Variants in RUNX1 observed in about 807,000 individuals in gnomAD.
RUNX1 encodes the protein RUNX family transcription factor 1.
RUNX1 carries 19 observed loss-of-function variants against 42.8 expected under a neutral mutation model. The ratio of observed to expected loss-of-function variants is 0.44; its 90% CI spans 0.31 to 0.65. The LOEUF (loss-of-function observed/expected upper bound fraction) is 0.65. RUNX1 is among the 30% of genes least tolerant of loss of function. The pLI is 0.07. For synonymous variants in RUNX1, 271 were observed against 289.4 expected, an observed-to-expected ratio of 0.94 and a Z score of 0.64; for missense variants, 528 against 672.0, an observed-to-expected ratio of 0.79 and a Z score of 2.37.
intron 2 of RUNX1, among the ~76,000 whole-genome samples, chr21:34,914,902 T>C (rs1420523902): frequency 6.6e-6 from 1 of 152,184 alleles, no homozygotes; most frequent in Non-Finnish European, 1.5e-5. Flanking sequence ...TCAATCTGAG[T>C]GTAAAGCCAG....
At chr21:34,952,442 G>A (rs1025210900) in intron 2 of RUNX1, among the ~76,000 whole-genome samples, 6 of 151,990 alleles carry the variant, frequency 3.9e-5, no homozygotes, top group South Asian at 2.1e-4. Flanking sequence ...GTATGGAATT[G>A]GCCTGTCATT....
chr21:34,935,219 G>T (rs889930010), intron 2 of RUNX1, among the ~76,000 whole-genome samples: 2 of 151,954 alleles, frequency 1.3e-5, no homozygotes, highest in African/African-American at 4.8e-5. Flanking sequence ...CCGAGAAATG[G>T]GTCCTACAGC....
chr21:34,860,550 T>C (rs909221923), intron 5 of RUNX1, among the ~76,000 whole-genome samples: 1 of 152,006 alleles, frequency 6.6e-6, no homozygotes, highest in Admixed American at 6.6e-5. Context: ...TGTGTGTGTG[T>C]GTATGTTGTC....
At chr21:34,875,546 C>T (rs2057802087) in intron 5 of RUNX1, among the ~76,000 whole-genome samples, 1 of 152,064 alleles carries the variant, frequency 6.6e-6, no homozygotes, top group African/African-American at 2.4e-5. Flanking sequence ...TAACTCATGT[C>T]TTTTCCTTAT....
At chr21:35,014,857 G>A (rs766080113) in intron 2 of RUNX1, among the ~76,000 whole-genome samples, 5 of 152,228 alleles carry the variant, frequency 3.3e-5, no homozygotes, top group Non-Finnish European at 7.3e-5. Flanking sequence ...GCACTATTGC[G>A]ACTTCTCTGT....
chr21:34,945,243 C>T (rs1029514145), intron 2 of RUNX1, among the ~76,000 whole-genome samples: 2 of 152,154 alleles, frequency 1.3e-5, no homozygotes, highest in African/African-American at 2.4e-5. Context: ...AAAATACAGC[C>T]AAAGGCATCC....
intron 6 of RUNX1, among the ~76,000 whole-genome samples, chr21:34,857,580 T>C (rs1389894083): frequency 6.6e-6 from 1 of 152,216 alleles, no homozygotes; most frequent in African/African-American, 2.4e-5. Flanking sequence ...GAGACGGCTG[T>C]TGCTTCTAGT....
At chr21:34,859,259 C>T in intron 6 of RUNX1, 1 of 595,692 alleles carries the variant, frequency 1.7e-6, no homozygotes, top group Non-Finnish European at 3.0e-6. Flanking sequence ...TTTCCTTTTG[C>T]CCTCTAAAAG....
At chr21:35,005,614 T>C (rs2059078701) in intron 2 of RUNX1, among the ~76,000 whole-genome samples, 1 of 152,202 alleles carries the variant, frequency 6.6e-6, no homozygotes, top group South Asian at 2.1e-4. Flanking sequence ...TTCATGATCC[T>C]AGCTATCCCT....
At chr21:34,896,220 A>T (rs1319201268) in intron 2 of RUNX1, among the ~76,000 whole-genome samples, 1 of 152,170 alleles carries the variant, frequency 6.6e-6, no homozygotes, top group Non-Finnish European at 1.5e-5. Context: ...GTAGTTTCAG[A>T]TTGTATCTAG....
chr21:35,008,622 A>G (rs2146901954), intron 2 of RUNX1, among the ~76,000 whole-genome samples: 1 of 152,382 alleles, frequency 6.6e-6, no homozygotes, highest in Middle Eastern at 3.4e-3. Context: ...TTACTTCAGT[A>G]TATTTGCTGA....
intron 2 of RUNX1, among the ~76,000 whole-genome samples, chr21:34,961,273 C>G (rs529268959): frequency 1.3e-5 from 2 of 152,080 alleles, no homozygotes; most frequent in South Asian, 4.2e-4. Context: ...ACTCAGGAGG[C>G]TGAAGCAGGG....
At chr21:34,931,756 G>A (rs1254570657) in intron 2 of RUNX1, among the ~76,000 whole-genome samples, 2 of 151,688 alleles carry the variant, frequency 1.3e-5, no homozygotes, top group African/African-American at 4.9e-5. Flanking sequence ...CAACAGGCAA[G>A]AGGGGAAGAT....
chr21:34,796,755 T>C (rs777667411), intron 8 of RUNX1, among the ~76,000 whole-genome samples: 1 of 152,136 alleles, frequency 6.6e-6, no homozygotes, highest in Non-Finnish European at 1.5e-5. Flanking sequence ...CTCAGATTAA[T>C]GCATGCTGTC....
At chr21:34,884,781 T>G (rs975621278) in intron 4 of RUNX1, among the ~76,000 whole-genome samples, 1 of 152,244 alleles carries the variant, frequency 6.6e-6, no homozygotes, top group African/African-American at 2.4e-5. Context: ...TGGTCTGATT[T>G]CTCTGCTATC....
intron 2 of RUNX1, among the ~76,000 whole-genome samples, chr21:34,920,310 G>A (rs1048020360): frequency 6.6e-6 from 1 of 152,056 alleles, no homozygotes; most frequent in Non-Finnish European, 1.5e-5. Flanking sequence ...TCCTCCTGAT[G>A]GCAAATTATG....
chr21:34,961,734 G>T (rs2146707961), intron 2 of RUNX1, among the ~76,000 whole-genome samples: 1 of 152,256 alleles, frequency 6.6e-6, no homozygotes, highest in African/African-American at 2.4e-5. Flanking sequence ...AATATTCTTT[G>T]CCAAATAAAT....
intron 5 of RUNX1, among the ~76,000 whole-genome samples, chr21:34,860,146 C>G (rs1397690522): frequency 1.3e-5 from 2 of 152,158 alleles, no homozygotes; most frequent in African/African-American, 2.4e-5. Flanking sequence ...TGGGATCAGT[C>G]AGAATAAAAT....
intron 2 of RUNX1, among the ~76,000 whole-genome samples, chr21:34,982,611 C>A (rs1326510608): frequency 6.6e-6 from 1 of 152,052 alleles, no homozygotes; most frequent in Non-Finnish European, 1.5e-5. Context: ...ACTCTGTCAC[C>A]CAGGCTGGAG....
Sources: allele counts gnomAD v4.1 joint callset (sites outside exome capture counted in the v4.1 genomes callset), GRCh38; gene constraint gnomAD v4.1.1; transcripts MANE v1.5; gene names NCBI Gene and HGNC (gene_info 2026-07-23, HGNC 2026-07-21).